The following CDH23 variants were observed in gnomAD, a reference collection of about 807,000 sequenced individuals.
The protein encoded by CDH23 is cadherin related 23.
In CDH23, 189 loss-of-function variants were observed where a neutral mutation model predicts 317.1. The ratio of observed to expected loss-of-function variants is 0.60; its 90% CI spans 0.53 to 0.67. The LOEUF is 0.67. CDH23 is among the 30% of genes least tolerant of loss of function. The pLI, the probability that CDH23 is intolerant of heterozygous loss-of-function variation, is 0.00. For synonymous variants in CDH23, 1,839 were observed against 1,876.8 expected, an observed-to-expected ratio of 0.98 and a Z score of 0.52; for missense variants, 4,401 against 4,592.4, an observed-to-expected ratio of 0.96 and a Z score of 1.20.
rs747249307 is a variant in CDH23, at chr10:71,806,216, A to C, written c.8113A>C (p.Met2705Leu). 6.3e-7 allele frequency: 1 copy of C among 1,579,830 alleles called. No homozygotes were observed. Among genetic ancestry groups the C allele is most frequent in the Non-Finnish European group, 8.6e-7 (1 of 1,163,062 alleles). Residue 2705 changes from methionine (M) to leucine (L), a missense_variant, in exon 57 of 70, where the codon ATG becomes CTG. Around this residue, in one of 3 missense-constraint regions of CDH23, gnomAD observed 1,144 missense variants for 1,138.2 expected, o/e 1.01. Transcript: ENST00000224721. ...DLGQPVPYET[M>L]QPLQVALEDI... ...GGGCCAGCCAGTGCCATACGAGACT[A>C]TGCAGCCGCTGCAGGTGGCCCTGGA...
chr10:71,609,599 T>C lies in CDH23; in HGVS notation c.833-5905T>C, dbSNP rs542192701. On this transcript the variant is annotated intron_variant, in intron 9 of 69. Transcript: ENST00000224721. ...CGTCTCTTTCTCAAGACTGCCTCCT[T>C]CCCTGACTCTGGGCACCCGGCACTA... Among the ~76,000 whole-genome samples, 154 of 152,314 alleles carry C rather than the reference T, an allele frequency of 1.0e-3. 1 individual carries two copies. Among genetic ancestry groups the C allele is most frequent in the African/African-American group, 3.7e-3 (152 of 41,584 alleles).
At chr10:71,428,284 T>C (rs2131973544) in intron 1 of CDH23, among the ~76,000 whole-genome samples, 1 of 149,346 alleles carries the variant, frequency 6.7e-6, no homozygotes, top group African/African-American at 2.5e-5. Flanking sequence ...ATTACAGGGA[T>C]GCATCACCAG....
chr10:71,727,563 C>T (rs1290256940), intron 30 of CDH23, among the ~76,000 whole-genome samples: 1 of 152,206 alleles, frequency 6.6e-6, no homozygotes. Context: ...TCCTCCAGTT[C>T]CTGCCTCAGA....
At chr10:71,555,497 C>T (rs981394797) in intron 6 of CDH23, among the ~76,000 whole-genome samples, 2 of 152,304 alleles carry the variant, frequency 1.3e-5, no homozygotes, top group South Asian at 2.1e-4. Flanking sequence ...GCCAGCCGTC[C>T]GTCCCTGATG....
In CDH23 at chr10:71,397,898, G is replaced by C. The variant is rs2131879065; in HGVS notation, c.-6+580G>C. On this transcript the variant is annotated intron_variant, in intron 1 of 69. Coordinates refer to ENST00000224721, the MANE Select transcript of CDH23 (RefSeq NM_022124.6). The surrounding 1 kb of genome is among the most constrained non-coding windows in gnomAD (Gnocchi z 4.8). ...TACACATCCTCCCAAATTCGGTCCA[G>C]CTATGGGAAGACGCGCCCCTCGAGG... is the stretch of plus-strand genomic sequence containing the variant. Among the ~76,000 whole-genome samples, 1 of 152,308 alleles carries C rather than the reference G, an allele frequency of 6.6e-6. No homozygotes were observed. Among genetic ancestry groups the C allele is most frequent in the African/African-American group, 2.4e-5 (1 of 41,572 alleles).
chr10:71,639,098 G>A (rs1419015932), intron 11 of CDH23, among the ~76,000 whole-genome samples: 5 of 152,212 alleles, frequency 3.3e-5, no homozygotes, highest in East Asian at 1.9e-4. Context: ...GCCTCCCCGC[G>A]GGCAGCTGCC....
rs965512719 is a variant in CDH23, at chr10:71,800,648, G to A, written c.7375G>A (p.Val2459Met). The change falls in exon 53 of 70, where the codon GTG becomes ATG. Residue 2459 changes from valine to methionine, a missense_variant. By Grantham distance (21) the Val-to-Met change is conservative. Around this residue, in one of 3 missense-constraint regions of CDH23, gnomAD observed 189 missense variants for 250.9 expected, o/e 0.75. Transcript: ENST00000224721. Reference sequence around the variant, plus strand: ...CTCCCCCTACTAGGGTGACATCTATGTGCTGTCTTCTCTGGACCGGGAGAA... The same window carrying A: ...CTCCCCCTACTAGGGTGACATCTATATGCTGTCTTCTCTGGACCGGGAGAA... ...AINPTTGDIY[V>M]LSSLDREKKD... The A allele has an allele frequency of 1.2e-6, 2 of 1,613,854 alleles. No individual in the cohort carries two copies. Among genetic ancestry groups the A allele is most frequent in the Middle Eastern group, 1.6e-4 (1 of 6,082 alleles).
chr10:71,737,111 G>C (rs1839588417), intron 34 of CDH23, among the ~76,000 whole-genome samples: 1 of 152,218 alleles, frequency 6.6e-6, no homozygotes, highest in South Asian at 2.1e-4. Flanking sequence ...CCTGAGAACA[G>C]TGTGATAGGT....
Position 71,577,927 on chromosome 10 carries a change from G to A in CDH23, c.767G>A (p.Arg256His), listed in dbSNP as rs371646164. ...YEHSPPGTTV[R>H]IITAIDQDKG... ...TCTTCTGCCCAGGGCACGACGGTGC[G>A]CATCATCACCGCCATAGACCAGGAT... Residue 256 changes from arginine (R) to histidine (H), a missense_variant, in exon 9 of 70, where the codon CGC (arginine) becomes CAC (histidine). Physicochemically the swap from Arg to His is conservative, Grantham distance 29. This residue lies in a region of CDH23 where 3,068 missense variants were observed against 3,203.3 expected (regional missense o/e 0.96). Coordinates refer to ENST00000224721, the MANE Select transcript of CDH23 (RefSeq NM_022124.6). 458 of 1,599,986 alleles carry A rather than the reference G, an allele frequency of 2.9e-4. 2 individuals carry two copies. In the South Asian group the frequency reaches 4.4e-3, roughly 15 times the overall value.
chr10:71,403,328 T>TTCCTTCCTTCCTTCCTTCC (rs1564557802), intron 1 of CDH23, among the ~76,000 whole-genome samples: 1 of 34,356 alleles, frequency 2.9e-5, no homozygotes, highest in African/African-American at 1.3e-4. Flanking sequence ...CCTTCCTTCC[T>TTCCTTCCTTCCTTCCTTCC]TTCTTTCTTT....
intron 8 of CDH23, among the ~76,000 whole-genome samples, chr10:71,574,254 A>C (rs1858019427): frequency 6.6e-6 from 1 of 152,104 alleles, no homozygotes; most frequent in African/African-American, 2.4e-5. Flanking sequence ...TGCCTCATCT[A>C]AAGTGTATAT....
At chr10:71,624,021 G>T (rs1232613607) in intron 11 of CDH23, among the ~76,000 whole-genome samples, 2 of 152,182 alleles carry the variant, frequency 1.3e-5, no homozygotes, top group Admixed American at 1.3e-4. Context: ...GGAAAACAAT[G>T]AGTTGGGCCA....
chr10:71,647,278 C>T (rs562595160), intron 14 of CDH23, among the ~76,000 whole-genome samples: 198 of 152,302 alleles, frequency 1.3e-3, no homozygotes, highest in Middle Eastern at 3.4e-3. Context: ...GCCTGGCCAA[C>T]ATGGCAAAAC....
At chr10:71,451,226 C>G (rs1248153035) in intron 3 of CDH23, among the ~76,000 whole-genome samples, 1 of 152,216 alleles carries the variant, frequency 6.6e-6, no homozygotes, top group Non-Finnish European at 1.5e-5. Context: ...GTTACCCCAG[C>G]AGCTTCCTCA....
At chr10:71,548,065 G>A (rs1010078012) in intron 6 of CDH23, among the ~76,000 whole-genome samples, 4 of 152,202 alleles carry the variant, frequency 2.6e-5, no homozygotes, top group South Asian at 2.1e-4. Context: ...TCTCTGCACC[G>A]GAATAGATTT....
intron 6 of CDH23, among the ~76,000 whole-genome samples, chr10:71,522,525 C>G (rs879384473): frequency 6.6e-6 from 1 of 152,194 alleles, no homozygotes; most frequent in Admixed American, 6.5e-5. Context: ...CCTGCTCTTA[C>G]CACTTACATC....
chr10:71,399,413 T>C (rs1243835753), intron 1 of CDH23, among the ~76,000 whole-genome samples: 1 of 152,204 alleles, frequency 6.6e-6, no homozygotes, highest in African/African-American at 2.4e-5. Flanking sequence ...CAGAGTGTTG[T>C]ATAGGGCAGT....
chr10:71,741,686 C>T lies in CDH23; in HGVS notation c.4618-8C>T, dbSNP rs757218013. ...TCCAGAATGACTGCTCTCCTGCTCT[C>T]CTCCCAGAACGTGGGTGGAGGTACT... On this transcript the variant is annotated splice_region_variant and splice_polypyrimidine_tract_variant and intron_variant, in intron 37 of 69. Transcript: ENST00000224721. The T allele has an allele frequency of 3.1e-6, 5 of 1,600,850 alleles. No homozygotes were observed. The highest frequency in any genetic ancestry group is 4.3e-6 in the Non-Finnish European group (5 of 1,173,160).
chr10:71,768,498 G>A (rs1285222197), intron 38 of CDH23, among the ~76,000 whole-genome samples: 3 of 151,828 alleles, frequency 2.0e-5, no homozygotes, highest in Admixed American at 1.3e-4. Flanking sequence ...TAGTGAGCTA[G>A]GGTCTTGCTC....
Sources: allele counts gnomAD v4.1 joint callset (sites outside exome capture counted in the v4.1 genomes callset), GRCh38; gene constraint gnomAD v4.1.1; regional missense constraint gnomAD v4.1.1; non-coding constraint Gnocchi (gnomAD v3.1); transcripts MANE v1.5; gene names NCBI Gene and HGNC (gene_info 2026-07-23, HGNC 2026-07-21).